CTNNA3: variants seen among roughly 807,000 people sequenced by gnomAD.
The protein encoded by CTNNA3 is catenin alpha-3.
Under a neutral mutation model 95.7 loss-of-function variants are expected in CTNNA3, and 76 were observed. The ratio of observed to expected loss-of-function variants is 0.79; its 90% CI spans 0.66 to 0.96. The LOEUF (loss-of-function observed/expected upper bound fraction) is 0.96. CTNNA3 is among the 40% of genes least tolerant of loss of function. CTNNA3 has a pLI of 0.00. For missense variants in CTNNA3, 1,191 were observed against 1,089.8 expected (o/e 1.09, Z -1.31); for synonymous variants, 431 against 374.4 (o/e 1.15, Z -1.74).
At chr10:67,340,680 C>A (rs1438614345) in intron 5 of CTNNA3, among the ~76,000 whole-genome samples, 1 of 152,174 alleles carries the variant, frequency 6.6e-6, no homozygotes, top group Admixed American at 6.5e-5. Flanking sequence ...TCAGATTCAC[C>A]TGCTACTGCT....
chr10:67,750,034 G>A (rs147405744), intron 1 of CTNNA3, among the ~76,000 whole-genome samples: 2,071 of 152,200 alleles, frequency 0.014, 46 homozygotes, highest in African/African-American at 0.047. Flanking sequence ...TGTAACACTC[G>A]CCGTGAAGGT....
intron 15 of CTNNA3, among the ~76,000 whole-genome samples, chr10:66,031,480 C>T (rs1245335730): frequency 6.6e-6 from 1 of 152,130 alleles, no homozygotes; most frequent in Non-Finnish European, 1.5e-5. Context: ...CACATGCTTT[C>T]ACTTATAAGT....
At chr10:66,868,878 G>A (rs1177135752) in intron 7 of CTNNA3, among the ~76,000 whole-genome samples, 1 of 152,132 alleles carries the variant, frequency 6.6e-6, no homozygotes, top group Non-Finnish European at 1.5e-5. Flanking sequence ...CTAAATAAAA[G>A]TTAGAGATGA....
intron 11 of CTNNA3, among the ~76,000 whole-genome samples, chr10:66,381,001 GA>G (rs142037411): frequency 0.097 from 14,702 of 152,060 alleles, 987 homozygotes; most frequent in African/African-American, 0.19. Flanking sequence ...CAATGAGACA[GA>G]AGGTTAACAA....
At chr10:67,356,359 C>A (rs754218944) in intron 5 of CTNNA3, among the ~76,000 whole-genome samples, 2 of 152,080 alleles carry the variant, frequency 1.3e-5, no homozygotes, top group Non-Finnish European at 2.9e-5. Context: ...AAAAATCCAG[C>A]CTTGCAACTC....
At chr10:66,712,582 A>C (rs1459631225) in intron 9 of CTNNA3, among the ~76,000 whole-genome samples, 2 of 144,832 alleles carry the variant, frequency 1.4e-5, no homozygotes, top group East Asian at 5.1e-4. Context: ...AATCGCTCTC[A>C]CTCTCTCTCC....
intron 7 of CTNNA3, among the ~76,000 whole-genome samples, chr10:67,104,957 A>T (rs1459117049): frequency 2.0e-5 from 3 of 152,042 alleles, no homozygotes; most frequent in Admixed American, 6.6e-5. Context: ...TGTTATCTGA[A>T]ATATCTAGAA....
rs142223489 is a variant in CTNNA3, at chr10:66,072,809, T to G, written c.1978-3320A>C. ...TGCTGACCCTTTTAACTTTCTTCAT[T>G]ATCTTCTCCCTTAGCACACTCATCT... On this transcript the variant is annotated intron_variant, in intron 14 of 17. Coordinates refer to ENST00000433211, the MANE Select transcript of CTNNA3 (RefSeq NM_013266.4). Among the ~76,000 whole-genome samples the G allele has an allele frequency of 2.6e-3, 389 of 152,264 alleles. 6 individuals are homozygous for G. The highest frequency in any genetic ancestry group is 9.0e-3 in the African/African-American group (376 of 41,560).
chr10:66,086,706 A>G (rs577086475), intron 14 of CTNNA3, among the ~76,000 whole-genome samples: 16 of 152,194 alleles, frequency 1.1e-4, no homozygotes, highest in African/African-American at 3.6e-4. Context: ...GATCTTTCCT[A>G]AGAAAGAATG....
intron 7 of CTNNA3, among the ~76,000 whole-genome samples, chr10:66,884,254 C>T (rs916362126): frequency 6.6e-6 from 1 of 152,020 alleles, no homozygotes; most frequent in Non-Finnish European, 1.5e-5. Context: ...GAAAAAACAC[C>T]GAAACCATAG....
chr10:65,920,620 G>T lies in CTNNA3; in HGVS notation c.2401-3C>A. On this transcript the variant is annotated splice_polypyrimidine_tract_variant and splice_region_variant and intron_variant, in intron 17 of 17. Coordinates refer to ENST00000433211, the MANE Select transcript of CTNNA3 (RefSeq NM_013266.4). ...ATCAGGGATGTGACACTGTCCAACT[G>T]TAGGGAAAAAAGAGAAAAAAGAGCT... 1 of 1,603,792 alleles carries T rather than the reference G, an allele frequency of 6.2e-7. No homozygotes were observed. The highest frequency in any genetic ancestry group is 8.5e-7 in the Non-Finnish European group (1 of 1,173,318).
intron 1 of CTNNA3, among the ~76,000 whole-genome samples, chr10:67,671,249 G>T (rs550467844): frequency 2.6e-5 from 4 of 152,228 alleles, no homozygotes; most frequent in African/African-American, 9.6e-5. Context: ...GTGGTAAGGT[G>T]CCTGGAAATA....
At chr10:66,940,100 G>A (rs529978016) in intron 7 of CTNNA3, among the ~76,000 whole-genome samples, 1 of 152,178 alleles carries the variant, frequency 6.6e-6, no homozygotes, top group East Asian at 1.9e-4. Context: ...ACTGGAATCT[G>A]CTTGGTCCAA....
chr10:66,828,351 T>C (rs1048709396), intron 7 of CTNNA3, among the ~76,000 whole-genome samples: 1 of 152,200 alleles, frequency 6.6e-6, no homozygotes, highest in Non-Finnish European at 1.5e-5. Context: ...TCTTTCCTAA[T>C]TCCCCTAGGC....
In CTNNA3 at chr10:65,912,742, G is replaced by C. The variant is rs1325228380; in HGVS notation, c.*7588C>G. The C allele has an allele frequency of 6.6e-6, 1 of 152,006 alleles. No individual in the cohort carries two copies. The highest frequency in any genetic ancestry group is 2.4e-5 in the African/African-American group (1 of 41,392). The allele number at this position is 152,006 out of a possible 1,614,324, so 9.4% of individuals were successfully genotyped here. On this transcript the variant is annotated 3_prime_UTR_variant, in exon 18 of 18. Transcript: ENST00000433211. ...TCAGTTAAACACAAAAGACATGCAG[G>C]GTCTCAAACAAGGAGTATTTGGGCT...
rs565500992 is a variant in CTNNA3 at position 66,863,993 on chromosome 10, A to G, written c.1048-88469T>C. The stretch of plus-strand genomic sequence containing the variant: ...TTCTGTTTATTTTGTGTCAATTTCT[A>G]CCAAAATCCTACCAAATCATAAGCT... On this transcript the variant is annotated intron_variant, in intron 7 of 17. Transcript: ENST00000433211. 1.2e-4 allele frequency among the ~76,000 whole-genome samples: 19 copies of G among 152,282 alleles called. No homozygotes were observed. The South Asian group carries it at 3.9e-3, about 32-fold the overall frequency.
chr10:67,104,692 A>G (rs1032612258), intron 7 of CTNNA3, among the ~76,000 whole-genome samples: 7 of 151,948 alleles, frequency 4.6e-5, no homozygotes, highest in African/African-American at 1.4e-4. Flanking sequence ...TAATTACATT[A>G]GCATTTTACT....
chr10:66,344,618 T>C (rs1216697120), intron 12 of CTNNA3, among the ~76,000 whole-genome samples: 1 of 152,062 alleles, frequency 6.6e-6, no homozygotes, highest in Non-Finnish European at 1.5e-5. Flanking sequence ...AAATTGAAAT[T>C]CCTGCCACTG....
intron 13 of CTNNA3, among the ~76,000 whole-genome samples, chr10:66,111,209 C>A (rs147858976): frequency 1.3e-5 from 2 of 152,188 alleles, no homozygotes; most frequent in East Asian, 3.9e-4. Flanking sequence ...TAAAAGTGTG[C>A]AGCATCTCCT....
Sources: gnomAD v4.1 joint callset for allele counts (sites outside exome capture counted in the v4.1 genomes callset) on GRCh38, gnomAD v4.1.1 for gene constraint, MANE v1.5 for transcripts, NCBI Gene and HGNC (gene_info 2026-07-23, HGNC 2026-07-21) for gene names.